Variants in STAP1 observed in about 807,000 individuals in gnomAD.
The protein encoded by STAP1 is signal-transducing adaptor protein 1.
STAP1 carries 30 observed loss-of-function variants against 37.8 expected under a neutral mutation model. The ratio of observed to expected loss-of-function variants is 0.79; its 90% CI spans 0.59 to 1.08. The LOEUF (loss-of-function observed/expected upper bound fraction) is 1.08, where lower values mean the gene tolerates loss of function less well. Ranked by LOEUF, STAP1 falls within the 50% of genes least tolerant of loss-of-function variation. The pLI is 0.00. For missense variants in STAP1, 357 were observed against 349.4 expected (o/e 1.02, Z -0.17); for synonymous variants, 130 against 116.0 (o/e 1.12, Z -0.78).
At position 67,606,466 on chromosome 4, in the gene STAP1, C is replaced by G; in HGVS notation, c.*109C>G. ...ATTCTCCTGATACTGATTACCAAGT[C>G]ATTCACCTGAACACCAGAATTAGAA... On this transcript the variant is annotated 3_prime_UTR_variant, in exon 9 of 9. Coordinates refer to ENST00000265404, the MANE Select transcript of STAP1 (RefSeq NM_012108.4). The G allele has an allele frequency of 1.2e-6, 1 of 864,934 alleles. No individual in the cohort carries two copies. 53.6% of individuals were successfully genotyped at this position (864,934 alleles called of 1,614,324 possible). A position where few individuals can be genotyped will look rare whatever the true frequency, so the allele number is the denominator to read the frequency against.
chr4:67,603,921 C>T (rs1041124030), intron 8 of STAP1, among the ~76,000 whole-genome samples: 3 of 152,050 alleles, frequency 2.0e-5, no homozygotes, highest in African/African-American at 7.2e-5. Flanking sequence ...TGGCTCCAAG[C>T]CCAGCACAGC....
chr4:67,581,638 T>C (rs1727862995), intron 5 of STAP1, among the ~76,000 whole-genome samples, 167 bp downstream of exon 5: 1 of 152,188 alleles, frequency 6.6e-6, no homozygotes, highest in African/African-American at 2.4e-5. Flanking sequence ...TATGTCATGA[T>C]CAACAAAATG....
rs771470216 is a variant in STAP1 at position 67,575,431 on chromosome 4, A to C, written c.239A>C (p.Gln80Pro). The C allele has an allele frequency of 6.2e-7, 1 of 1,605,672 alleles. No homozygotes were observed. The highest frequency in any genetic ancestry group is 8.5e-7 in the Non-Finnish European group (1 of 1,177,590). ...DIVDLTCLTE[Q>P]NSTEKNCAKF... The stretch of plus-strand genomic sequence containing the variant: ...GTAGACCTCACATGCCTTACTGAGC[A>C]GAATTCAACTGAAAAGAACTGTGCG... Residue 80 changes from glutamine to proline, a missense_variant, in exon 3 of 9, where the codon CAG becomes CCG. Gln to Pro is a moderately conservative substitution (Grantham distance 76). Transcript: ENST00000265404.
At chr4:67,589,737 G>A (rs1728080526) in intron 6 of STAP1, among the ~76,000 whole-genome samples, 1 of 152,088 alleles carries the variant, frequency 6.6e-6, no homozygotes. Context: ...TAACTGACAA[G>A]GATAGTGACT....
intron 4 of STAP1, among the ~76,000 whole-genome samples, chr4:67,580,014 T>C (rs137948400): frequency 6.6e-6 from 1 of 152,068 alleles, no homozygotes; most frequent in African/African-American, 2.4e-5. Flanking sequence ...TACAGGCACA[T>C]GCCACCCAAA....
In STAP1 at chr4:67,577,865, T is replaced by C. The variant is rs549832036; in HGVS notation, c.363+606T>C. Among the ~76,000 whole-genome samples, 64 of 152,128 alleles carry C rather than the reference T, an allele frequency of 4.2e-4. No homozygotes were observed. The South Asian group carries it at 0.013, about 31-fold the overall frequency. ...GGTTTCATCATGTTGGCCAGGCTGG[T>C]TTGGAACTCCTGGCCTCAAGTGATC... On this transcript the variant is annotated intron_variant, in intron 4 of 8. Coordinates refer to ENST00000265404, the MANE Select transcript of STAP1 (RefSeq NM_012108.4).
rs779496091 is a variant in STAP1 at position 67,581,390 on chromosome 4, T to C, written c.449T>C (p.Ile150Thr). The C allele has an allele frequency of 1.9e-5, 31 of 1,613,852 alleles. No individual in the cohort carries two copies. The South Asian group carries it at 2.4e-4, about 13-fold the overall frequency. The change falls in exon 5 of 9, where the codon ATT becomes ACT. Residue 150 changes from isoleucine to threonine, a missense_variant. By Grantham distance (89) the Ile-to-Thr change is moderately conservative (BLOSUM62 -1). Transcript: ENST00000265404. ...CTAGAGAGAGAAAAGAAAAGGAGGA[T>C]TGAGACAGAGCAGAGTACGTCCGTG... is the stretch of plus-strand genomic sequence containing the variant. ...EVLEREKKRR[I>T]ETEQSTSVEK...
At chr4:67,586,060 T>C (rs564423813) in intron 6 of STAP1, among the ~76,000 whole-genome samples, 1 of 152,318 alleles carries the variant, frequency 6.6e-6, no homozygotes, top group East Asian at 1.9e-4. Flanking sequence ...CTTAATGTCA[T>C]TCCTTTCTTG....
In STAP1 at chr4:67,594,292, A is replaced by G. The variant is rs138593247; in HGVS notation, c.826+936A>G. Among the ~76,000 whole-genome samples the G allele has an allele frequency of 2.4e-3, 369 of 152,346 alleles. 3 individuals are homozygous for G. The highest frequency in any genetic ancestry group is 8.3e-3 in the African/African-American group (345 of 41,588). ...AAAGGATAGCAAGTTTAAAAGTCCA[A>G]GTTCTTAAAACATGATTATGAATAT... On this transcript the variant is annotated intron_variant, in intron 8 of 8. Transcript: ENST00000265404.
chr4:67,601,401 T>C (rs1040410493), intron 8 of STAP1, among the ~76,000 whole-genome samples: 66 of 152,236 alleles, frequency 4.3e-4, no homozygotes, highest in African/African-American at 1.5e-3. Context: ...CACCACAATT[T>C]ACGGTGTTAT....
At chr4:67,571,794 AAAC>A (rs1727612161) in intron 2 of STAP1, among the ~76,000 whole-genome samples, 2 of 152,232 alleles carry the variant, frequency 1.3e-5, no homozygotes, top group Admixed American at 1.3e-4. Flanking sequence ...GATTAAATAT[AAAC>A]ATTCTGGATC....
intron 6 of STAP1, among the ~76,000 whole-genome samples, chr4:67,590,234 G>A (rs1728090867): frequency 6.6e-6 from 1 of 152,194 alleles, no homozygotes; most frequent in South Asian, 2.1e-4. Context: ...CTGTATTTGA[G>A]TGGTAATAAT....
At chr4:67,577,590 T>A (rs17088473) in intron 4 of STAP1, among the ~76,000 whole-genome samples, 1 of 151,620 alleles carries the variant, frequency 6.6e-6, no homozygotes, top group African/African-American at 2.4e-5. Flanking sequence ...TTCTGATATT[T>A]GTAGCTAATA....
chr4:67,575,732 C>T (rs1338428628), intron 3 of STAP1, among the ~76,000 whole-genome samples: 1 of 152,158 alleles, frequency 6.6e-6, no homozygotes, highest in Admixed American at 6.5e-5. Flanking sequence ...CTGACAAAGT[C>T]AAGGATCCCA....
At chr4:67,566,218 G>A (rs748307244) in intron 1 of STAP1, among the ~76,000 whole-genome samples, 41 of 152,064 alleles carry the variant, frequency 2.7e-4, no homozygotes, top group Non-Finnish European at 4.9e-4. Context: ...AAAGTACTGC[G>A]ACGACAGGCA....
rs139217105 is a variant in STAP1, at chr4:67,597,370, G to A, written c.826+4014G>A. Among the ~76,000 whole-genome samples, 43 of 152,324 alleles carry A rather than the reference G, an allele frequency of 2.8e-4. No individual in the cohort carries two copies. In the East Asian group the frequency reaches 4.1e-3, roughly 14 times the overall value. On this transcript the variant is annotated intron_variant, in intron 8 of 8. Transcript: ENST00000265404. ...ATGTCCAGCCAGAAGTCTGCTCTAG[G>A]GGTAGAGCCCTAATGGAGAACCTCG...
At chr4:67,579,625 A>T (rs1270552757) in intron 4 of STAP1, among the ~76,000 whole-genome samples, 1 of 152,146 alleles carries the variant, frequency 6.6e-6, no homozygotes, top group African/African-American at 2.4e-5. Context: ...GGGAACAGAC[A>T]TATCACATGG....
intron 8 of STAP1, among the ~76,000 whole-genome samples, chr4:67,604,292 C>A (rs1728404678): frequency 6.6e-6 from 1 of 152,230 alleles, no homozygotes; most frequent in Admixed American, 6.5e-5. Flanking sequence ...TTCCTACCCT[C>A]TTCAGTGTCT....
At chr4:67,583,241 G>A (rs992423086) in intron 5 of STAP1, among the ~76,000 whole-genome samples, 12 of 152,070 alleles carry the variant, frequency 7.9e-5, no homozygotes, top group Non-Finnish European at 1.5e-4. Flanking sequence ...ATATTTATCC[G>A]AGAACCTACT....
Sources: allele counts gnomAD v4.1 joint callset (sites outside exome capture counted in the v4.1 genomes callset), GRCh38; gene constraint gnomAD v4.1.1; transcripts MANE v1.5; gene names NCBI Gene and HGNC (gene_info 2026-07-23, HGNC 2026-07-21).